The following TNIK variants were observed in gnomAD, a reference collection of about 807,000 sequenced individuals.
TNIK encodes TRAF2 and NCK-interacting protein kinase.
TNIK carries 49 observed loss-of-function variants against 191.3 expected under a neutral mutation model. The ratio of observed to expected loss-of-function variants is 0.26; its 90% confidence interval spans 0.20 to 0.32. The LOEUF is 0.32. TNIK is among the 10% of genes least tolerant of loss of function. The pLI is 1.00. For missense variants in TNIK, 1,155 were observed against 1,702.3 expected (o/e 0.68, Z 5.66); for synonymous variants, 594 against 600.9 (o/e 0.99, Z 0.17).
intron 3 of TNIK, among the ~76,000 whole-genome samples, chr3:171,223,600 A>G (rs1012386757): frequency 6.6e-5 from 10 of 152,218 alleles, no homozygotes; most frequent in African/African-American, 1.9e-4. Flanking sequence ...GCCATGTTAC[A>G]TTGAGCAAGA....
chr3:171,460,291 C>T lies in TNIK; in HGVS notation c.-228G>A, dbSNP rs1729327994. On this transcript the variant is annotated 5_prime_UTR_variant, in exon 1 of 33. Coordinates refer to ENST00000436636, the MANE Select transcript of TNIK (RefSeq NM_015028.4). This position sits in a 1 kb window ranked among gnomAD's most constrained non-coding sequence, Gnocchi z 6.8. ...GCGCGGATCTCCAAGCCCCGAGCAG[C>T]GGTGCGTGTGGGCTGAGCGCCCCGA... The T allele has an allele frequency of 6.6e-6, 4 of 603,398 alleles. No individual in the cohort carries two copies. The highest frequency in any genetic ancestry group is 5.9e-5 in the South Asian group (3 of 50,582). 37.4% of individuals were successfully genotyped at this position (603,398 alleles called of 1,614,324 possible). A position where few individuals can be genotyped will look rare whatever the true frequency, so the allele number is the denominator to read the frequency against.
At chr3:171,085,615 G>T (rs1048004041) in intron 24 of TNIK, among the ~76,000 whole-genome samples, 31 of 152,124 alleles carry the variant, frequency 2.0e-4, no homozygotes, top group Non-Finnish European at 1.5e-5. Flanking sequence ...AATAAACTAA[G>T]TAAGGAAGCC....
intron 26 of TNIK, among the ~76,000 whole-genome samples, chr3:171,082,891 A>G (rs1318943507): frequency 6.6e-6 from 1 of 152,150 alleles, no homozygotes; most frequent in Non-Finnish European, 1.5e-5. Context: ...AAATGTAACT[A>G]TCTTATGCCC....
chr3:171,415,508 T>C (rs893752493), intron 1 of TNIK, among the ~76,000 whole-genome samples: 2 of 152,136 alleles, frequency 1.3e-5, no homozygotes, highest in African/African-American at 4.8e-5. Context: ...TTGAAAAGAT[T>C]CTTATACATG....
intron 4 of TNIK, among the ~76,000 whole-genome samples, chr3:171,209,418 A>C (rs543298840): frequency 3.3e-5 from 5 of 152,280 alleles, no homozygotes; most frequent in Non-Finnish European, 5.9e-5. Flanking sequence ...ATTATATTAT[A>C]AAATGAATAT....
chr3:171,108,161 G>T lies in TNIK; in HGVS notation c.2286C>A (p.Ala762=). The T allele has an allele frequency of 6.5e-7, 1 of 1,538,858 alleles. No homozygotes were observed. Among genetic ancestry groups the T allele is most frequent in the Non-Finnish European group, 8.7e-7 (1 of 1,144,692 alleles). Residue 762 remains alanine (A), a splice_region_variant and synonymous_variant, in exon 20 of 33, where the codon GCC becomes GCA. Transcript: ENST00000436636. ...AGSSERTRVR[A]NSKSEGSPVL... ...CAGGTGATCCTTCTGACTTACTGTT[G>T]GCTAGAGGAAAAAAACAGAGGACCA...
At chr3:171,273,840 T>C (rs1235491523) in intron 2 of TNIK, among the ~76,000 whole-genome samples, 1 of 152,234 alleles carries the variant, frequency 6.6e-6, no homozygotes, top group Non-Finnish European at 1.5e-5. Flanking sequence ...TGTTCTGTTT[T>C]GGTTTTCCAG....
At chr3:171,445,146 G>T (rs1477414809) in intron 1 of TNIK, among the ~76,000 whole-genome samples, 1 of 151,918 alleles carries the variant, frequency 6.6e-6, no homozygotes, top group African/African-American at 2.4e-5. Context: ...ATAGTTGAGC[G>T]AGCCCAGGCA....
In TNIK at chr3:171,159,929, C is replaced by A. The variant is rs996423097; in HGVS notation, c.1016+1341G>T. ...GTGTTAAGGTACGGCTGGGCTGGCT[C>A]GTTGAGTGACTCCTAATATGCAGTT... On this transcript the variant is annotated intron_variant, in intron 11 of 32. Transcript: ENST00000436636. This position sits in a 1 kb window ranked among gnomAD's most constrained non-coding sequence, Gnocchi z 4.1. Among the ~76,000 whole-genome samples the A allele has an allele frequency of 1.3e-5, 2 of 152,172 alleles. No individual in the cohort carries two copies. The highest frequency in any genetic ancestry group is 2.9e-5 in the Non-Finnish European group (2 of 68,040).
At chr3:171,317,842 A>G (rs1754803391) in intron 2 of TNIK, among the ~76,000 whole-genome samples, 1 of 152,186 alleles carries the variant, frequency 6.6e-6, no homozygotes, top group Non-Finnish European at 1.5e-5. Context: ...GTGAGCTGCT[A>G]GGCAGCGTGT....
intron 1 of TNIK, among the ~76,000 whole-genome samples, chr3:171,406,007 T>C (rs9862688): frequency 0.76 from 115,337 of 152,136 alleles, 45,265 homozygotes; most frequent in African/African-American, 0.9. Flanking sequence ...GAGATACAGC[T>C]ATAAGTAAAA....
At position 171,084,232 on chromosome 3, in the gene TNIK, C is replaced by T. The variant is rs1560086132; in HGVS notation, c.3092G>A (p.Arg1031Gln). 4 of 1,613,514 alleles carry T rather than the reference C, an allele frequency of 2.5e-6. No individual in the cohort carries two copies. The highest frequency in any genetic ancestry group is 3.4e-6 in the Non-Finnish European group (4 of 1,179,794). The change falls in exon 26 of 33, where the codon CGG becomes CAG. Residue 1031 changes from arginine to glutamine, a missense_variant. Coordinates refer to ENST00000436636, the MANE Select transcript of TNIK (RefSeq NM_015028.4). ...GATTTCTGGTGTGTCGCTATGAGGC[C>T]GAATGTTGGTTGGGTTTACATTTAC... is the stretch of plus-strand genomic sequence containing the variant. ...SVVNVNPTNIRPHSDTPEIRK... is the reference protein window; with the variant it reads ...SVVNVNPTNIQPHSDTPEIRK...
At position 171,082,235 on chromosome 3, in the gene TNIK, C is replaced by A. The variant is rs200688648; in HGVS notation, c.3313+16G>T. On this transcript the variant is annotated intron_variant, in intron 27 of 32. Transcript: ENST00000436636. ...CGCTGTATGGACCTGGGGGACTCAT[C>A]ATCTTAGTAACATACCTGAAATTGT... The A allele has an allele frequency of 2.3e-3, 3,700 of 1,609,782 alleles. 9 individuals are homozygous for A. The highest frequency in any genetic ancestry group is 2.9e-3 in the Non-Finnish European group (3,469 of 1,177,918).
intron 10 of TNIK, among the ~76,000 whole-genome samples, chr3:171,165,533 C>A (rs1734508195): frequency 1.3e-5 from 2 of 152,010 alleles, no homozygotes; most frequent in South Asian, 4.1e-4. Flanking sequence ...TCATACTGCT[C>A]ACCGCCCCCA....
At chr3:171,300,619 T>C (rs1752781536) in intron 2 of TNIK, among the ~76,000 whole-genome samples, 1 of 152,212 alleles carries the variant, frequency 6.6e-6, no homozygotes, top group Non-Finnish European at 1.5e-5. Context: ...CAGTGCATAT[T>C]GATGAAATAT....
chr3:171,105,493 T>TTTATTTTAGTGG (rs1328670299), intron 21 of TNIK, among the ~76,000 whole-genome samples: 4 of 149,210 alleles, frequency 2.7e-5, no homozygotes, highest in African/African-American at 1.0e-4. Context: ...GTAGAACCGC[T>TTTATTTTAGTGG]TTATTTTAGT....
Position 171,079,621 on chromosome 3 carries a change from A to C in TNIK, c.3345T>G (p.Leu1115=), listed in dbSNP as rs1376291543. Residue 1115 remains leucine (L), a synonymous_variant, in exon 28 of 33, where the codon CTT becomes CTG. Coordinates refer to ENST00000436636, the MANE Select transcript of TNIK (RefSeq NM_015028.4). The stretch of plus-strand genomic sequence containing the variant: ...GTAGTATTCTGTTTCTTAACCATGA[A>C]AGATAGTAAACTCGTAGCTTATTCT... The part of the protein sequence containing the change: ...GKKNKLRVYY[L]SWLRNRILHN... The C allele has an allele frequency of 6.2e-7, 1 of 1,612,790 alleles. No individual in the cohort carries two copies. Among genetic ancestry groups the C allele is most frequent in the African/African-American group, 1.3e-5 (1 of 74,916 alleles).
chr3:171,416,809 G>A (rs1405030786), intron 1 of TNIK, among the ~76,000 whole-genome samples: 1 of 152,130 alleles, frequency 6.6e-6, no homozygotes, highest in Non-Finnish European at 1.5e-5. Context: ...TCCTAGGCCT[G>A]TCCTTTACGC....
intron 12 of TNIK, among the ~76,000 whole-genome samples, chr3:171,144,759 T>C (rs903104806): frequency 5.3e-5 from 8 of 152,332 alleles, no homozygotes; most frequent in Admixed American, 3.3e-4. Context: ...GACCAGTCTC[T>C]CACCACTGCC....
Sources: gnomAD v4.1 joint callset for allele counts (sites outside exome capture counted in the v4.1 genomes callset) on GRCh38, gnomAD v4.1.1 for gene constraint, Gnocchi (gnomAD v3.1) non-coding constraint, MANE v1.5 for transcripts, NCBI Gene and HGNC (gene_info 2026-07-23, HGNC 2026-07-21) for gene names.